IFT81: variants seen among roughly 807,000 people sequenced by gnomAD.
IFT81 encodes the protein intraflagellar transport 81.
IFT81 carries 72 observed loss-of-function variants against 102.6 expected under a neutral mutation model. The ratio of observed to expected loss-of-function variants is 0.70; its 90% CI spans 0.58 to 0.85. The LOEUF is 0.85. Among genes scored for constraint, IFT81 ranks in the 40% least tolerant of loss-of-function variants. IFT81 has a pLI of 0.00. For synonymous variants in IFT81, 237 were observed against 242.7 expected (o/e 0.98, Z 0.22); for missense variants, 723 against 787.3 (o/e 0.92, Z 0.98).
intron 10 of IFT81, among the ~76,000 whole-genome samples, chr12:110,148,909 A>G (rs1342043943): frequency 6.6e-6 from 1 of 152,130 alleles, no homozygotes; most frequent in Non-Finnish European, 1.5e-5. Context: ...TGTTTCCTCT[A>G]ACTCATTTGC....
In IFT81 at chr12:110,205,974, C is replaced by T. The variant is rs150538785; in HGVS notation, c.1802+294C>T. Among the ~76,000 whole-genome samples the T allele has an allele frequency of 3.3e-3, 508 of 152,298 alleles. 4 individuals carry two copies. The highest frequency in any genetic ancestry group is 0.012 in the African/African-American group (489 of 41,578). Reference sequence around the variant, plus strand: ...CATTGATTACATTCACAATATTGTACAGCCATCACCACTGTATATTTACAA... The same window carrying T: ...CATTGATTACATTCACAATATTGTATAGCCATCACCACTGTATATTTACAA... On this transcript the variant is annotated intron_variant, in intron 17 of 18. Coordinates refer to ENST00000242591, the MANE Select transcript of IFT81 (RefSeq NM_014055.4).
Position 110,210,309 on chromosome 12 carries a change from T to C in IFT81, c.1848+1093T>C, listed in dbSNP as rs1352357240. Among the ~76,000 whole-genome samples the C allele has an allele frequency of 2.0e-5, 3 of 152,190 alleles. No individual in the cohort carries two copies. The East Asian group carries it at 5.8e-4, about 29-fold the overall frequency. ...AGTACGTAGATGAGAAATTTAAAAA[T>C]TAAATTACCTAGATTGATTTAGATG... On this transcript the variant is annotated intron_variant, in intron 18 of 18. Transcript: ENST00000242591.
In IFT81 at chr12:110,203,890, G is replaced by C; in HGVS notation, c.1584G>C (p.Lys528Asn). The C allele has an allele frequency of 6.2e-7, 1 of 1,613,464 alleles. No homozygotes were observed. The highest frequency in any genetic ancestry group is 8.5e-7 in the Non-Finnish European group (1 of 1,179,430). Reference sequence around the variant, plus strand: ...AACTGACCCAGGAGTGTGATGAAAAGAAATCCCAGTATGATAGCTGTGCAG... The same window carrying C: ...AACTGACCCAGGAGTGTGATGAAAACAAATCCCAGTATGATAGCTGTGCAG... ...YQELTQECDEKKSQYDSCAAG... is the reference protein window; with the variant it reads ...YQELTQECDENKSQYDSCAAG... Residue 528 changes from lysine to asparagine, a missense_variant, in exon 15 of 19, where the codon AAG (lysine) becomes AAC (asparagine). By Grantham distance (94) the Lys-to-Asn change is moderately conservative. Coordinates refer to ENST00000242591, the MANE Select transcript of IFT81 (RefSeq NM_014055.4).
rs1344717881 is a variant in IFT81, at chr12:110,124,867, T to A, written c.-22+6T>A. ...CTCCTGCGACTCGTTTGTGGGTGAG[T>A]GCTTGGGAATTAGCGCGGCGACTTC... On this transcript the variant is annotated splice_donor_region_variant and intron_variant, in intron 1 of 18. Coordinates refer to ENST00000242591, the MANE Select transcript of IFT81 (RefSeq NM_014055.4). 1 of 152,242 alleles carries A rather than the reference T, an allele frequency of 6.6e-6. No individual in the cohort carries two copies. The allele number at this position is 152,242 out of a possible 1,614,324, so 9.4% of individuals were successfully genotyped here.
intron 7 of IFT81, among the ~76,000 whole-genome samples, chr12:110,136,515 T>G (rs1894520317): frequency 6.6e-6 from 1 of 152,242 alleles, no homozygotes; most frequent in East Asian, 1.9e-4. Flanking sequence ...TGTGTTTCTT[T>G]GATAAGTATT....
intron 10 of IFT81, among the ~76,000 whole-genome samples, chr12:110,153,767 T>G (rs1474760824): frequency 1.3e-5 from 2 of 150,404 alleles, no homozygotes; most frequent in Non-Finnish European, 3.0e-5. Flanking sequence ...TGCACCACCA[T>G]GCCAGCTAAT....
intron 5 of IFT81, among the ~76,000 whole-genome samples, chr12:110,133,370 C>A (rs527564136): frequency 6.6e-6 from 1 of 151,940 alleles, no homozygotes; most frequent in East Asian, 1.9e-4. Context: ...TGCCTGTAAT[C>A]CAAACACTTT....
chr12:110,136,000 A>G (rs1261277544), intron 7 of IFT81, among the ~76,000 whole-genome samples: 1 of 152,160 alleles, frequency 6.6e-6, no homozygotes, highest in Non-Finnish European at 1.5e-5. Context: ...ATTACAGAAG[A>G]GTCATTGTAA....
At chr12:110,153,960 G>A (rs1895689594) in intron 10 of IFT81, among the ~76,000 whole-genome samples, 1 of 151,808 alleles carries the variant, frequency 6.6e-6, no homozygotes, top group African/African-American at 2.4e-5. Context: ...CACCAGTGTG[G>A]CCATCAGGAC....
chr12:110,136,815 C>T lies in IFT81; in HGVS notation c.736C>T (p.Gln246Ter). The change falls in exon 8 of 19, where the codon CAG (glutamine) becomes TAG (stop). Residue 246 changes from glutamine (Q) to a stop codon, truncating the protein, a stop_gained. Coordinates refer to ENST00000242591, the MANE Select transcript of IFT81 (RefSeq NM_014055.4). LOFTEE classifies it high-confidence loss of function. ...GCAAAGATTGCAAAGAGTACAAAAC[C>T]AGCTGAAAAGCATGCGCCAAGCTGC... ...AVQRLQRVQN[Q>*]LKSMRQAAAD... The T allele has an allele frequency of 6.2e-7, 1 of 1,612,432 alleles. No individual in the cohort carries two copies. The highest frequency in any genetic ancestry group is 8.5e-7 in the Non-Finnish European group (1 of 1,178,924).
At chr12:110,183,106 T>G (rs1897377451) in intron 12 of IFT81, among the ~76,000 whole-genome samples, 2 of 152,198 alleles carry the variant, frequency 1.3e-5, no homozygotes, top group African/African-American at 4.8e-5. Flanking sequence ...CTGAATTATA[T>G]GGTCATACGA....
intron 4 of IFT81, among the ~76,000 whole-genome samples, chr12:110,130,620 G>A (rs1284009755): frequency 6.6e-6 from 1 of 152,076 alleles, no homozygotes; most frequent in East Asian, 1.9e-4. Flanking sequence ...TGCCCACCTC[G>A]GGTTCCAAAG....
At chr12:110,185,344 C>T (rs1408717719) in intron 12 of IFT81, among the ~76,000 whole-genome samples, 1 of 151,770 alleles carries the variant, frequency 6.6e-6, no homozygotes, top group Non-Finnish European at 1.5e-5. Flanking sequence ...TGCCACTATG[C>T]CCAACTATTT....
rs1176413466 is a variant in IFT81, at chr12:110,199,127, T to A, written c.1558-4737T>A. Among the ~76,000 whole-genome samples the A allele has an allele frequency of 4.6e-5, 7 of 152,244 alleles. No homozygotes were observed. The East Asian group carries it at 1.2e-3, about 25-fold the overall frequency. On this transcript the variant is annotated intron_variant, in intron 14 of 18. Transcript: ENST00000242591. ...CCTGGCCTCACTTTTTGTAATCTTT[T>A]GTTTTCAGTTCCTCCTTTATAGTTT...
Position 110,127,405 on chromosome 12 carries a change from A to C in IFT81, c.25A>C (p.Met9Leu). The change falls in exon 2 of 19, where the codon ATG (methionine) becomes CTG (leucine). Residue 9 changes from methionine (M) to leucine (L), a missense_variant. Met to Leu is a conservative substitution (Grantham distance 15). Transcript: ENST00000242591. ...TATGAGTGATCAAATTAAATTCATTATGGACAGTCTCAATAAGGAGCCCTT... is the reference window on the plus strand; with the variant it reads ...TATGAGTGATCAAATTAAATTCATTCTGGACAGTCTCAATAAGGAGCCCTT... MSDQIKFI[M>L]DSLNKEPFRK... The C allele has an allele frequency of 1.3e-6, 2 of 1,595,336 alleles. No homozygotes were observed. The highest frequency in any genetic ancestry group is 1.7e-6 in the Non-Finnish European group (2 of 1,172,810).
chr12:110,129,706 TA>T (rs1168835713), intron 4 of IFT81, among the ~76,000 whole-genome samples: 1 of 152,184 alleles, frequency 6.6e-6, no homozygotes, highest in African/African-American at 2.4e-5. Flanking sequence ...GGCTCTGGCA[TA>T]AGGTCTTAAA....
At chr12:110,210,466 G>A (rs577138352) in intron 18 of IFT81, among the ~76,000 whole-genome samples, 13 of 152,196 alleles carry the variant, frequency 8.5e-5, no homozygotes, top group African/African-American at 3.1e-4. Context: ...CAGGCAAAGT[G>A]ACCCATACCT....
At chr12:110,199,136 T>C (rs963136119) in intron 14 of IFT81, among the ~76,000 whole-genome samples, 13 of 152,156 alleles carry the variant, frequency 8.5e-5, no homozygotes, top group Non-Finnish European at 1.6e-4. Flanking sequence ...TTGTTTTCAG[T>C]TCCTCCTTTA....
At chr12:110,132,696 A>G (rs1894243628) in intron 5 of IFT81, 60 bp downstream of exon 5, 1 of 859,786 alleles carries the variant, frequency 1.2e-6, no homozygotes, top group Non-Finnish European at 1.9e-6. Context: ...TGGATTTAGC[A>G]TTTTATTAAT....
Sources: allele counts gnomAD v4.1 joint callset (sites outside exome capture counted in the v4.1 genomes callset), GRCh38; gene constraint gnomAD v4.1.1; transcripts MANE v1.5; gene names NCBI Gene and HGNC (gene_info 2026-07-23, HGNC 2026-07-21).